EYA2: variants seen among roughly 807,000 people sequenced by gnomAD.
EYA2 encodes EYA transcriptional coactivator and phosphatase 2.
EYA2 carries 31 observed loss-of-function variants against 69.2 expected under a neutral mutation model. The ratio of observed to expected loss-of-function variants is 0.45; its 90% CI spans 0.34 to 0.60. EYA2 has a LOEUF of 0.60. Among genes scored for constraint, EYA2 ranks in the 20% least tolerant of loss-of-function variants. EYA2 has a pLI of 0.02. For synonymous variants in EYA2, 257 were observed against 279.4 expected (o/e 0.92, Z 0.80); for missense variants, 622 against 701.2 (o/e 0.89, Z 1.28).
intron 9 of EYA2, among the ~76,000 whole-genome samples, chr20:47,139,488 A>T (rs374943140): frequency 7.3e-4 from 111 of 152,228 alleles, no homozygotes; most frequent in African/African-American, 2.6e-3. Flanking sequence ...GCTGGAGTGC[A>T]GTGGCACAAT....
At chr20:47,182,175 C>T (rs752560384) in intron 14 of EYA2, among the ~76,000 whole-genome samples, 41 of 151,900 alleles carry the variant, frequency 2.7e-4, no homozygotes, top group East Asian at 2.0e-4. Context: ...ACCACTACAC[C>T]GAGCTAATTT....
intron 1 of EYA2, among the ~76,000 whole-genome samples, chr20:46,973,565 G>C (rs149441934): frequency 6.4e-4 from 97 of 152,318 alleles, no homozygotes; most frequent in Non-Finnish European, 9.3e-4. Flanking sequence ...GTGTGGTGGA[G>C]AGAAGAGACT....
chr20:46,956,893 G>A (rs1027456902), intron 1 of EYA2, among the ~76,000 whole-genome samples: 1 of 152,190 alleles, frequency 6.6e-6, no homozygotes, highest in African/African-American at 2.4e-5. Flanking sequence ...GAGAGCATGT[G>A]CAGGGAAACT....
chr20:47,168,199 T>TTG (rs1210116697), intron 10 of EYA2, among the ~76,000 whole-genome samples: 1 of 93,112 alleles, frequency 1.1e-5, no homozygotes, highest in Non-Finnish European at 2.2e-5. Context: ...TTTTGTTTTT[T>TTG]TGTTTTTTTT....
chr20:47,150,882 T>G (rs1264760540), intron 10 of EYA2, among the ~76,000 whole-genome samples: 1 of 151,982 alleles, frequency 6.6e-6, no homozygotes, highest in Non-Finnish European at 1.5e-5. Context: ...TGGCCACACC[T>G]TCCAAGGCAA....
At position 47,097,213 on chromosome 20, in the gene EYA2, G is replaced by T. The variant is rs368139552; in HGVS notation, c.888+45G>T. 4.1e-6 allele frequency: 6 copies of T among 1,450,800 alleles called. No homozygotes were observed. The Admixed American group carries it at 9.1e-5, about 22-fold the overall frequency. 89.9% of individuals were successfully genotyped at this position (1,450,800 alleles called of 1,614,324 possible). ...CTCTCTCTCTTTTTTTGTTTTCAAC[G>T]TTATTGTCCAGCCAGTTTGTCCTGG... On this transcript the variant is annotated intron_variant, in intron 9 of 15. Coordinates refer to ENST00000327619, the MANE Select transcript of EYA2 (RefSeq NM_005244.5).
intron 1 of EYA2, among the ~76,000 whole-genome samples, chr20:46,933,107 A>C (rs1985744373): frequency 6.6e-6 from 1 of 152,228 alleles, no homozygotes; most frequent in South Asian, 2.1e-4. Flanking sequence ...GAACAGACTA[A>C]TACAAGGGGC....
intron 5 of EYA2, among the ~76,000 whole-genome samples, chr20:47,050,922 G>C (rs538287983): frequency 6.6e-6 from 1 of 152,258 alleles, no homozygotes; most frequent in Non-Finnish European, 1.5e-5. Context: ...GGGACAGACA[G>C]ATACAGGATG....
chr20:47,050,881 T>C (rs770931539), intron 5 of EYA2, among the ~76,000 whole-genome samples: 4 of 152,234 alleles, frequency 2.6e-5, no homozygotes, highest in Non-Finnish European at 5.9e-5. Flanking sequence ...CTGAGAACCT[T>C]GCAGCGTTTT....
chr20:46,943,066 G>T (rs1986221720), intron 1 of EYA2, among the ~76,000 whole-genome samples: 1 of 152,202 alleles, frequency 6.6e-6, no homozygotes, highest in Non-Finnish European at 1.5e-5. Context: ...GCTCCCGGCT[G>T]GTTCTCTGAA....
chr20:46,938,024 C>T (rs924920993), intron 1 of EYA2, among the ~76,000 whole-genome samples: 3 of 152,144 alleles, frequency 2.0e-5, no homozygotes, highest in East Asian at 1.9e-4. Context: ...ATTGCACAGA[C>T]GCAGAAACTG....
In EYA2 at chr20:47,169,491, A is replaced by C. The variant is rs2034275801; in HGVS notation, c.1037+294A>C. On this transcript the variant is annotated intron_variant, in intron 11 of 15. Coordinates refer to ENST00000327619, the MANE Select transcript of EYA2 (RefSeq NM_005244.5). ...TGAGACCCCCATCTCTACTATAATA[A>C]ATAAATGAGTAAAAATTTGTTTAAA... Among the ~76,000 whole-genome samples, 3 of 152,264 alleles carry C rather than the reference A, an allele frequency of 2.0e-5. No individual in the cohort carries two copies. The Middle Eastern group carries it at 0.01, about 518-fold the overall frequency.
intron 10 of EYA2, among the ~76,000 whole-genome samples, chr20:47,156,107 CACACACACACACACACACACATATATAT>C (rs2033925469): frequency 1.5e-4 from 3 of 19,934 alleles, no homozygotes; most frequent in African/African-American, 8.3e-4. Context: ...CACACACACA[CACACACACACACACACACACATATATAT>C]ATATATATAT....
intron 1 of EYA2, among the ~76,000 whole-genome samples, chr20:46,959,929 G>C (rs566498295): frequency 1.3e-5 from 2 of 152,262 alleles, no homozygotes; most frequent in African/African-American, 2.4e-5. Flanking sequence ...GACATGCCGT[G>C]GGGGGAATAT....
At chr20:47,035,253 G>T (rs1049046484) in intron 5 of EYA2, among the ~76,000 whole-genome samples, 1 of 152,158 alleles carries the variant, frequency 6.6e-6, no homozygotes, top group African/African-American at 2.4e-5. Flanking sequence ...CAGCTGGCTT[G>T]TATTAGTCTC....
In EYA2 at chr20:46,985,176, T is replaced by C. The variant is rs370379133; in HGVS notation, c.-10-4825T>C. Reference sequence around the variant, plus strand: ...TTTTAAAAATCTTGTTGGAAGAAGGTGATGGCTCAAATAAGATTTCCTTCC... The same window carrying C: ...TTTTAAAAATCTTGTTGGAAGAAGGCGATGGCTCAAATAAGATTTCCTTCC... On this transcript the variant is annotated intron_variant, in intron 1 of 15. Transcript: ENST00000327619. 2.0e-5 allele frequency among the ~76,000 whole-genome samples: 3 copies of C among 152,336 alleles called. No homozygotes were observed. The East Asian group carries it at 5.8e-4, about 29-fold the overall frequency.
At chr20:47,037,627 A>G (rs914979649) in intron 5 of EYA2, among the ~76,000 whole-genome samples, 11 of 151,876 alleles carry the variant, frequency 7.2e-5, no homozygotes, top group African/African-American at 1.7e-4. Flanking sequence ...GCCTTTTCCA[A>G]CCTCCCAAGG....
At chr20:47,091,044 C>T (rs1349314585) in intron 8 of EYA2, among the ~76,000 whole-genome samples, 1 of 152,138 alleles carries the variant, frequency 6.6e-6, no homozygotes, top group Non-Finnish European at 1.5e-5. Flanking sequence ...CGTCACATCC[C>T]TATTTATAAT....
Position 46,902,715 on chromosome 20 carries a change from A to G in EYA2, c.-11+7728A>G, listed in dbSNP as rs147472794. The stretch of plus-strand genomic sequence containing the variant: ...TAAGAGACGCCAGCAGATTCTCACA[A>G]GATTTTGAATCTGCCCTTGTAGAAA... On this transcript the variant is annotated intron_variant, in intron 1 of 15. Transcript: ENST00000327619. 4.3e-3 allele frequency among the ~76,000 whole-genome samples: 650 copies of G among 152,334 alleles called. 5 individuals carry two copies. The highest frequency in any genetic ancestry group is 0.015 in the African/African-American group (614 of 41,584).
Sources: gnomAD v4.1 joint callset for allele counts (sites outside exome capture counted in the v4.1 genomes callset) on GRCh38, gnomAD v4.1.1 for gene constraint, MANE v1.5 for transcripts, NCBI Gene and HGNC (gene_info 2026-07-23, HGNC 2026-07-21) for gene names.